SEC23A: variants seen among roughly 807,000 people sequenced by gnomAD.
SEC23A encodes the protein SEC23 homolog A, COPII component.
In SEC23A, 56 loss-of-function variants were observed where a neutral mutation model predicts 103.7. That is an observed-to-expected ratio of 0.54 (90% confidence interval 0.44 to 0.67). The LOEUF is 0.67. SEC23A is among the 30% of genes least tolerant of loss of function. SEC23A has a pLI of 0.00. For missense variants in SEC23A, 784 were observed against 936.4 expected (o/e 0.84, Z 2.12); for synonymous variants, 281 against 293.0 (o/e 0.96, Z 0.42).
chr14:39,067,210 T>C lies in SEC23A; in HGVS notation c.1190A>G (p.Gln397Arg). ...CGTACCACCAAAGCCCATTTTAAACTGTCCATGCATGTCTTTGGTAAAGAC... is the reference window on the plus strand; with the variant it reads ...CGTACCACCAAAGCCCATTTTAAACCGTCCATGCATGTCTTTGGTAAAGAC... ...QRVFTKDMHG[Q>R]FKMGFGGTLE... Residue 397 changes from glutamine (Q) to arginine (R), a missense_variant, in exon 10 of 20, where the codon CAG (glutamine) becomes CGG (arginine). Coordinates refer to ENST00000307712, the MANE Select transcript of SEC23A (RefSeq NM_006364.4). 1.2e-6 allele frequency: 2 copies of C among 1,613,848 alleles called. No homozygotes were observed. Among genetic ancestry groups the C allele is most frequent in the South Asian group, 1.1e-5 (1 of 91,070 alleles).
chr14:39,077,250 A>G (rs1204912082), intron 7 of SEC23A, among the ~76,000 whole-genome samples: 1 of 149,286 alleles, frequency 6.7e-6, no homozygotes, highest in Non-Finnish European at 1.5e-5. Flanking sequence ...AAAAAAAAAA[A>G]AAAAAGAAAG....
At position 39,092,435 on chromosome 14, in the gene SEC23A, A is replaced by G; in HGVS notation, c.366+106T>C. On this transcript the variant is annotated intron_variant, in intron 4 of 19. Transcript: ENST00000307712. ...TTCTTACCTTTGAAATGTTCCATCA[A>G]ATCAATGTGAGAATTAAGCATGATT... 13 of 750,346 alleles carry G rather than the reference A, an allele frequency of 1.7e-5. No individual in the cohort carries two copies. In the South Asian group the frequency reaches 2.0e-4, roughly 11 times the overall value. 46.5% of individuals were successfully genotyped at this position (750,346 alleles called of 1,614,324 possible). A position where few individuals can be genotyped will look rare whatever the true frequency, so the allele number is the denominator to read the frequency against.
At chr14:39,082,740 A>C (rs1430513697) in intron 7 of SEC23A, among the ~76,000 whole-genome samples, 1 of 152,240 alleles carries the variant, frequency 6.6e-6, no homozygotes, top group Non-Finnish European at 1.5e-5. Flanking sequence ...GCCACCTGTA[A>C]AATGTAACAA....
At chr14:39,055,498 A>G (rs994359959) in intron 13 of SEC23A, among the ~76,000 whole-genome samples, 1 of 150,994 alleles carries the variant, frequency 6.6e-6, no homozygotes, top group African/African-American at 2.4e-5. Flanking sequence ...ACCTCTGCCT[A>G]TTGGGTTCAA....
intron 19 of SEC23A, among the ~76,000 whole-genome samples, chr14:39,036,650 G>A (rs756327297): frequency 1.3e-5 from 2 of 151,970 alleles, no homozygotes; most frequent in East Asian, 3.9e-4. Context: ...AATGCTTAAC[G>A]TCCATATACT....
intron 14 of SEC23A, among the ~76,000 whole-genome samples, chr14:39,050,783 C>G (rs890885527): frequency 6.7e-6 from 1 of 148,614 alleles, no homozygotes; most frequent in African/African-American, 2.5e-5. Context: ...ATGGCAAGAT[C>G]CCATCTCAAA....
intron 2 of SEC23A, among the ~76,000 whole-genome samples, chr14:39,093,804 T>C (rs754838544): frequency 6.6e-5 from 10 of 152,096 alleles, no homozygotes; most frequent in Non-Finnish European, 1.5e-4. Context: ...ATCAATAAAA[T>C]TAAAATAATC....
In SEC23A at chr14:39,081,760, A is replaced by T. The variant is rs764536363; in HGVS notation, c.828+4002T>A. On this transcript the variant is annotated intron_variant, in intron 7 of 19. Transcript: ENST00000307712. ...AAGAAACATTGGTTTTTAATATAAA[A>T]TTTTTTTTATTTTAATAGAGATATA... 2.7e-3 allele frequency among the ~76,000 whole-genome samples: 409 copies of T among 152,172 alleles called. 1 individual carries two copies. The highest frequency in any genetic ancestry group is 4.6e-3 in the Non-Finnish European group (316 of 68,010).
At chr14:39,086,531 A>C (rs1254393318) in intron 6 of SEC23A, among the ~76,000 whole-genome samples, 1 of 152,092 alleles carries the variant, frequency 6.6e-6, no homozygotes, top group Non-Finnish European at 1.5e-5. Flanking sequence ...CTGAGGCAGG[A>C]GAATTGTTTG....
chr14:39,090,302 T>C (rs1887612359), intron 5 of SEC23A, among the ~76,000 whole-genome samples: 1 of 152,128 alleles, frequency 6.6e-6, no homozygotes, highest in African/African-American at 2.4e-5. Context: ...TCAAAGTACC[T>C]ACATGAACAA....
At chr14:39,058,101 T>C (rs1886309585) in intron 13 of SEC23A, among the ~76,000 whole-genome samples, 1 of 152,176 alleles carries the variant, frequency 6.6e-6, no homozygotes, top group Admixed American at 6.5e-5. Flanking sequence ...TGAACCTAGG[T>C]AGACCCAGCA....
chr14:39,094,435 TATATA>T (rs1887812373), intron 2 of SEC23A, among the ~76,000 whole-genome samples: 1 of 36,030 alleles, frequency 2.8e-5, no homozygotes, highest in Admixed American at 3.3e-4. Context: ...TATATATATA[TATATA>T]TATTTTTTTT....
chr14:39,085,015 T>C (rs568790673), intron 7 of SEC23A, among the ~76,000 whole-genome samples: 3 of 152,306 alleles, frequency 2.0e-5, no homozygotes, highest in Admixed American at 6.5e-5. Flanking sequence ...AGCTTCAAGA[T>C]GGGGGCTGGT....
rs375924947 is a variant in SEC23A, at chr14:39,065,000, A to T, written c.1228-7T>A. The T allele has an allele frequency of 1.4e-5, 23 of 1,590,438 alleles. No homozygotes were observed. The African/African-American group carries it at 3.1e-4, about 21-fold the overall frequency. ...TCTTTATTTCCCTTGAGGTCTGCAA[A>T]ATAAGAATACAGCATGTTCGGTTTC... On this transcript the variant is annotated splice_polypyrimidine_tract_variant and splice_region_variant and intron_variant, in intron 10 of 19. Coordinates refer to ENST00000307712, the MANE Select transcript of SEC23A (RefSeq NM_006364.4).
rs1214606225 is a variant in SEC23A at position 39,048,704 on chromosome 14, T to C, written c.1685A>G (p.Lys562Arg). The C allele has an allele frequency of 1.3e-5, 21 of 1,587,734 alleles. No individual in the cohort carries two copies. Among genetic ancestry groups the C allele is most frequent in the Non-Finnish European group, 1.8e-5 (21 of 1,156,130 alleles). The change falls in exon 15 of 20, where the codon AAA (lysine) becomes AGA (arginine). Residue 562 changes from lysine to arginine, a missense_variant. Physicochemically the swap from Lys to Arg is conservative, Grantham distance 26. Coordinates refer to ENST00000307712, the MANE Select transcript of SEC23A (RefSeq NM_006364.4). ...AAATCTGAAGGAACTTGGGTCATCTTTATGATATTCTCCAAATTTCTGACA... is the reference window on the plus strand; with the variant it reads ...AAATCTGAAGGAACTTGGGTCATCTCTATGATATTCTCCAAATTTCTGACA... ...RLCQKFGEYH[K>R]DDPSSFRFSE...
intron 19 of SEC23A, among the ~76,000 whole-genome samples, chr14:39,037,258 G>A (rs1284553958): frequency 6.6e-6 from 1 of 151,846 alleles, no homozygotes; most frequent in Non-Finnish European, 1.5e-5. Context: ...TCATCTTATT[G>A]TGGCTCAATA....
intron 13 of SEC23A, among the ~76,000 whole-genome samples, chr14:39,058,725 G>A (rs1282654433): frequency 6.6e-6 from 1 of 152,228 alleles, no homozygotes; most frequent in African/African-American, 2.4e-5. Context: ...AAAAGACTGA[G>A]AATGTGTAAA....
chr14:39,072,032 G>A (rs935285930), intron 9 of SEC23A, among the ~76,000 whole-genome samples: 40 of 150,304 alleles, frequency 2.7e-4, no homozygotes, highest in African/African-American at 9.8e-4. Flanking sequence ...TCAGGAATTC[G>A]AGACCAGCCT....
intron 9 of SEC23A, among the ~76,000 whole-genome samples, chr14:39,069,084 T>C (rs1471568341): frequency 2.0e-5 from 3 of 152,312 alleles, no homozygotes; most frequent in South Asian, 2.1e-4. Context: ...CCTAGATTAA[T>C]GACAATTTAT....
Sources: gnomAD v4.1 joint callset for allele counts (sites outside exome capture counted in the v4.1 genomes callset) on GRCh38, gnomAD v4.1.1 for gene constraint, MANE v1.5 for transcripts, NCBI Gene and HGNC (gene_info 2026-07-23, HGNC 2026-07-21) for gene names.